Variants in RELN observed in about 807,000 individuals in gnomAD.
The protein encoded by RELN is reelin.
Under a neutral mutation model 427.6 loss-of-function variants are expected in RELN, and 108 were observed. The ratio of observed to expected loss-of-function variants is 0.25; its 90% CI spans 0.22 to 0.30. The LOEUF is 0.30. Ranked by LOEUF, RELN falls within the 10% of genes least tolerant of loss-of-function variation. RELN has a pLI of 1.00. For missense variants in RELN, 3,715 were observed against 4,302.8 expected, an observed-to-expected ratio of 0.86 and a Z score of 3.82; for synonymous variants, 1,524 against 1,513.4, an observed-to-expected ratio of 1.01 and a Z score of -0.16.
At position 103,566,243 on chromosome 7, in the gene RELN, C is replaced by T. The variant is rs1248262417; in HGVS notation, c.4917G>A (p.Leu1639=). ...ATATACCTATGTTTTCAGTGAATAT[C>T]AGAGCAGTATCCATAGAGAGACAGT... ...DIDCLSMDTA[L]IFTENIGKPR... is the part of the protein sequence containing the mutation. Residue 1639 remains leucine (L), a synonymous_variant, in exon 33 of 65, where the codon CTG becomes CTA. Transcript: ENST00000428762. The T allele has an allele frequency of 6.2e-7, 1 of 1,613,448 alleles. No homozygotes were observed. The highest frequency in any genetic ancestry group is 8.5e-7 in the Non-Finnish European group (1 of 1,179,446).
intron 20 of RELN, among the ~76,000 whole-genome samples, chr7:103,627,366 G>T (rs969563891): frequency 3.3e-5 from 5 of 151,962 alleles, no homozygotes; most frequent in African/African-American, 1.2e-4. Flanking sequence ...TTTTAATATT[G>T]TAACAAGTAT....
chr7:103,525,108 G>C (rs10236633), intron 46 of RELN, among the ~76,000 whole-genome samples: 3,338 of 151,948 alleles, frequency 0.022, 124 homozygotes, highest in African/African-American at 0.077. Context: ...CTCTGTCTCT[G>C]TCTCTCTCTC....
intron 13 of RELN, 74 bp from the exon 14 acceptor site, chr7:103,652,833 C>T: frequency 7.4e-7 from 1 of 1,344,658 alleles, no homozygotes; most frequent in Non-Finnish European, 1.1e-6. Flanking sequence ...CTAGATTTGA[C>T]CTAATGAACG....
intron 3 of RELN, among the ~76,000 whole-genome samples, chr7:103,809,498 G>A (rs1250461041): frequency 2.0e-5 from 3 of 152,140 alleles, no homozygotes; most frequent in Non-Finnish European, 4.4e-5. Flanking sequence ...TAGACTGATG[G>A]AAACTGTAGT....
At chr7:103,602,169 A>G (rs375939943) in intron 24 of RELN, among the ~76,000 whole-genome samples, 1 of 152,180 alleles carries the variant, frequency 6.6e-6, no homozygotes, top group East Asian at 1.9e-4. Flanking sequence ...AGTGTTCTAC[A>G]TGATTTACCA....
chr7:103,880,778 A>T lies in RELN; in HGVS notation c.337+36297T>A, dbSNP rs574998506. On this transcript the variant is annotated intron_variant, in intron 2 of 64. Transcript: ENST00000428762. The stretch of plus-strand genomic sequence containing the variant: ...CACAATCACGGCTCACTGCAGCCTC[A>T]ACTTTCTGGGCTCAAGCAATCCTAC... Among the ~76,000 whole-genome samples the T allele has an allele frequency of 1.4e-3, 219 of 152,164 alleles. 1 individual carries two copies. The highest frequency in any genetic ancestry group is 5.1e-3 in the African/African-American group (210 of 41,530).
intron 3 of RELN, among the ~76,000 whole-genome samples, chr7:103,797,894 G>T (rs897092768): frequency 6.6e-6 from 1 of 152,186 alleles, no homozygotes; most frequent in Non-Finnish European, 1.5e-5. Context: ...TGTGTAATTA[G>T]CTTCCTCAAT....
Position 103,596,458 on chromosome 7 carries a change from G to C in RELN, c.3537C>G (p.Pro1179=). Residue 1179 remains proline (P), a splice_region_variant and synonymous_variant, in exon 25 of 65, where the codon CCC becomes CCG. Coordinates refer to ENST00000428762, the MANE Select transcript of RELN (RefSeq NM_005045.4). The stretch of plus-strand genomic sequence containing the variant: ...AGGACCATCAGGTGGGTAGTTACCT[G>C]GGTTTGCTGAAGTCTGAAAAGTACA... ...AEMYFSDFSK[P]RFVYLELPAA... 1 of 1,612,866 alleles carries C rather than the reference G, an allele frequency of 6.2e-7. No individual in the cohort carries two copies. Among genetic ancestry groups the C allele is most frequent in the Non-Finnish European group, 8.5e-7 (1 of 1,179,202 alleles).
chr7:103,745,001 A>G (rs1790779240), intron 6 of RELN, among the ~76,000 whole-genome samples: 1 of 152,232 alleles, frequency 6.6e-6, no homozygotes, highest in Admixed American at 6.5e-5. Flanking sequence ...ATGAACATCG[A>G]TGCAAAAATC....
chr7:103,885,256 G>A (rs60655664), intron 2 of RELN, among the ~76,000 whole-genome samples: 19,551 of 151,670 alleles, frequency 0.13, 1,694 homozygotes, highest in East Asian at 0.43. Context: ...GGAGAATGGC[G>A]TGAACCCAGG....
At position 103,486,213 on chromosome 7, in the gene RELN, C is replaced by T; in HGVS notation, c.9967G>A (p.Asp3323Asn). The T allele has an allele frequency of 6.2e-7, 1 of 1,613,622 alleles. No individual in the cohort carries two copies. Among genetic ancestry groups the T allele is most frequent in the Non-Finnish European group, 8.5e-7 (1 of 1,180,000 alleles). Reference protein sequence around the residue: ...QIRQAATKPLDLTRASKIMFV... With the variant: ...QIRQAATKPLNLTRASKIMFV... The stretch of plus-strand genomic sequence containing the variant: ...TTTGGGTACCTTGCTCGAGTGAGAT[C>T]CAGAGGCTTGGTAGCTGCTTGCCTG... Residue 3323 changes from aspartate to asparagine, a missense_variant, in exon 61 of 65, where the codon GAT (aspartate) becomes AAT (asparagine). This residue lies in a region of RELN where 195 missense variants were observed against 281.3 expected (regional missense o/e 0.69). Transcript: ENST00000428762.
At chr7:103,667,368 G>C (rs1037279023) in intron 11 of RELN, among the ~76,000 whole-genome samples, 2 of 152,070 alleles carry the variant, frequency 1.3e-5, no homozygotes, top group Non-Finnish European at 2.9e-5. Context: ...ATTTTAACAT[G>C]TTAAATAATC....
intron 2 of RELN, among the ~76,000 whole-genome samples, chr7:103,901,945 AT>A (rs1795092383): frequency 6.6e-6 from 1 of 152,110 alleles, no homozygotes; most frequent in African/African-American, 2.4e-5. Flanking sequence ...TTTAACCAGA[AT>A]ATTCCAAGCT....
intron 28 of RELN, among the ~76,000 whole-genome samples, chr7:103,575,912 C>G (rs2117209038): frequency 6.6e-6 from 1 of 152,150 alleles, no homozygotes; most frequent in South Asian, 2.1e-4. Flanking sequence ...GCATCTTGCT[C>G]TGTCAACCAG....
rs780813096 is a variant in RELN, at chr7:103,697,993, C to T, written c.1003G>A (p.Val335Ile). The change falls in exon 10 of 65, where the codon GTA becomes ATA. Residue 335 changes from valine (V) to isoleucine (I), a missense_variant. Physicochemically the swap from Val to Ile is conservative, Grantham distance 29. Around this residue, in one of 4 missense-constraint regions of RELN, gnomAD observed 2,208 missense variants for 2,361.7 expected, o/e 0.93. Coordinates refer to ENST00000428762, the MANE Select transcript of RELN (RefSeq NM_005045.4). ...QFQWKQENLR[V>I]GEVYEACWAL... ...CAGCAGGCTTCATACACTTCACCTA[C>T]ACGAAGATTTTCCTGCTTCCACTGA... 1.2e-6 allele frequency: 2 copies of T among 1,613,854 alleles called. No homozygotes were observed. Among genetic ancestry groups the T allele is most frequent in the Non-Finnish European group, 1.7e-6 (2 of 1,179,838 alleles).
At chr7:103,702,400 A>G (rs1429868774) in intron 8 of RELN, among the ~76,000 whole-genome samples, 1 of 152,240 alleles carries the variant, frequency 6.6e-6, no homozygotes, top group African/African-American at 2.4e-5. Context: ...AAGCAAATGT[A>G]TAAGGTAAAT....
intron 53 of RELN, among the ~76,000 whole-genome samples, chr7:103,500,136 T>C (rs912506990): frequency 4.6e-5 from 7 of 152,348 alleles, no homozygotes; most frequent in African/African-American, 9.6e-5. Context: ...AAATGCACTA[T>C]GTTTATTCAC....
At chr7:103,864,989 G>A (rs559879277) in intron 2 of RELN, among the ~76,000 whole-genome samples, 177 of 151,864 alleles carry the variant, frequency 1.2e-3, no homozygotes, top group Non-Finnish European at 2.2e-3. Context: ...AAATTAGCCA[G>A]GCATGGTGGC....
intron 42 of RELN, 124 bp downstream of exon 42, chr7:103,545,000 T>G: frequency 1.3e-6 from 1 of 772,972 alleles, no homozygotes; most frequent in South Asian, 1.5e-5. Flanking sequence ...AATTCTTGGA[T>G]GTTCACAATT....
Sources: gnomAD v4.1 joint callset for allele counts (sites outside exome capture counted in the v4.1 genomes callset) on GRCh38, gnomAD v4.1.1 for gene constraint, gnomAD v4.1.1 regional missense constraint, MANE v1.5 for transcripts, NCBI Gene and HGNC (gene_info 2026-07-23, HGNC 2026-07-21) for gene names.